The following DPP10 variants were observed in gnomAD, a reference collection of about 807,000 sequenced individuals.
The protein encoded by DPP10 is inactive dipeptidyl peptidase 10.
In DPP10, 33 loss-of-function variants were observed where a neutral mutation model predicts 120.9. The ratio of observed to expected loss-of-function variants is 0.27; its 90% CI spans 0.21 to 0.37. DPP10 has a LOEUF of 0.37. Ranked by LOEUF, DPP10 falls within the 10% of genes least tolerant of loss-of-function variation. DPP10 has a pLI of 1.00. For synonymous variants in DPP10, 337 were observed against 326.1 expected, an observed-to-expected ratio of 1.03 and a Z score of -0.36; for missense variants, 816 against 942.8, an observed-to-expected ratio of 0.87 and a Z score of 1.76.
At chr2:115,805,221 C>T (rs1158683354) in intron 19 of DPP10, among the ~76,000 whole-genome samples, 2 of 152,128 alleles carry the variant, frequency 1.3e-5, no homozygotes, top group African/African-American at 2.4e-5. Context: ...GGCTTAGGAC[C>T]CTCCCAGCCA....
intron 1 of DPP10, among the ~76,000 whole-genome samples, chr2:115,306,263 G>C (rs923950983): frequency 3.9e-5 from 6 of 151,996 alleles, no homozygotes; most frequent in African/African-American, 1.4e-4. Context: ...CAAGAGAAGA[G>C]ACATTTGAGC....
At chr2:115,813,457 A>C (rs1026211017) in intron 19 of DPP10, among the ~76,000 whole-genome samples, 15 of 152,202 alleles carry the variant, frequency 9.9e-5, no homozygotes, top group Non-Finnish European at 1.8e-4. Flanking sequence ...GGCACCAGTC[A>C]GATTGAATTA....
intron 1 of DPP10, among the ~76,000 whole-genome samples, chr2:114,928,668 A>G (rs1695825420): frequency 6.6e-6 from 1 of 151,878 alleles, no homozygotes; most frequent in African/African-American, 2.4e-5. Flanking sequence ...CTGCAGCTAT[A>G]CTAGATGTGG....
chr2:115,217,783 C>CT (rs995418160), intron 1 of DPP10, among the ~76,000 whole-genome samples: 4 of 152,050 alleles, frequency 2.6e-5, no homozygotes, highest in African/African-American at 9.7e-5. Flanking sequence ...TGATTCACAT[C>CT]TTTTTTTTCT....
chr2:114,903,493 T>C (rs1282015324), intron 1 of DPP10, among the ~76,000 whole-genome samples: 1 of 152,192 alleles, frequency 6.6e-6, no homozygotes, highest in East Asian at 1.9e-4. Context: ...AGATGTGTAG[T>C]GGTATATCAT....
At chr2:115,286,593 A>G (rs2060414008) in intron 1 of DPP10, among the ~76,000 whole-genome samples, 1 of 138,950 alleles carries the variant, frequency 7.2e-6, no homozygotes, top group African/African-American at 2.6e-5. Context: ...ATTCTTACCA[A>G]TGGCAACTGG....
chr2:115,717,402 A>G (rs554888871), intron 7 of DPP10, among the ~76,000 whole-genome samples: 1 of 152,228 alleles, frequency 6.6e-6, no homozygotes, highest in South Asian at 2.1e-4. Flanking sequence ...AAAAATAAAT[A>G]AATAAATAAG....
Position 114,442,670 on chromosome 2 carries a change from C to A in DPP10, c.-109C>A, listed in dbSNP as rs966322127. ...GCAGCAGAAGCAACAGCAGTAGCAG[C>A]GGCAGCAGCAACAGCAGCAGCCCCT... On this transcript the variant is annotated 5_prime_UTR_variant, in exon 1 of 26. Transcript: ENST00000410059. 5 of 1,219,660 alleles carry A rather than the reference C, an allele frequency of 4.1e-6. No individual in the cohort carries two copies. Among genetic ancestry groups the A allele is most frequent in the African/African-American group, 1.5e-5 (1 of 66,640 alleles). The allele number at this position is 1,219,660 out of a possible 1,614,324, so 75.6% of individuals were successfully genotyped here. A position where few individuals can be genotyped will look rare whatever the true frequency, so the allele number is the denominator to read the frequency against.
At chr2:115,424,148 G>C (rs140718903) in intron 3 of DPP10, among the ~76,000 whole-genome samples, 1 of 152,152 alleles carries the variant, frequency 6.6e-6, no homozygotes, top group East Asian at 1.9e-4. Flanking sequence ...CCCTTACAAA[G>C]ACAACCAAAA....
In DPP10 at chr2:115,553,393, A is replaced by T. The variant is rs888421998; in HGVS notation, c.441+27421A>T. 3.9e-5 allele frequency among the ~76,000 whole-genome samples: 6 copies of T among 152,206 alleles called. No individual in the cohort carries two copies. In the East Asian group the frequency reaches 1.2e-3, roughly 29 times the overall value. On this transcript the variant is annotated intron_variant, in intron 5 of 25. Transcript: ENST00000410059. ...ATAAATGAAAATTATCACTATTTTCAGGATTAAGAAGTATATTAACATATA... is the reference window on the plus strand; with the variant it reads ...ATAAATGAAAATTATCACTATTTTCTGGATTAAGAAGTATATTAACATATA...
chr2:115,474,745 C>G (rs1490565198), intron 3 of DPP10, among the ~76,000 whole-genome samples: 1 of 149,102 alleles, frequency 6.7e-6, no homozygotes, highest in East Asian at 2.0e-4. Context: ...AAAAAAAAAG[C>G]CCATTTAACA....
intron 1 of DPP10, among the ~76,000 whole-genome samples, chr2:115,165,695 G>A (rs1026511447): frequency 1.3e-5 from 2 of 152,094 alleles, no homozygotes; most frequent in African/African-American, 4.8e-5. Context: ...AAGGTTTAGA[G>A]TTTGTTCACA....
Position 115,699,555 on chromosome 2 carries a change from T to C in DPP10, c.576+9634T>C, listed in dbSNP as rs535650882. Among the ~76,000 whole-genome samples the C allele has an allele frequency of 9.2e-5, 14 of 152,254 alleles. No individual in the cohort carries two copies. The South Asian group carries it at 2.7e-3, about 29-fold the overall frequency. On this transcript the variant is annotated intron_variant, in intron 7 of 25. Transcript: ENST00000410059. ...AGGCAGAGGTTGCAGTGAGTTGTGA[T>C]TTGAGATCATGCCACTGCACTCCTG...
chr2:114,497,441 A>G lies in DPP10; in HGVS notation c.60+54603A>G. ...TATGCATCTATATATATATGCATAT[A>G]TATAGATGCATCTATTTTATAGATG... On this transcript the variant is annotated intron_variant, in intron 1 of 25. Transcript: ENST00000410059. 1.3e-5 allele frequency among the ~76,000 whole-genome samples: 2 copies of G among 151,010 alleles called. 1 individual carries two copies. Among genetic ancestry groups the G allele is most frequent in the Middle Eastern group, 6.4e-3 (2 of 314 alleles).
At chr2:115,646,403 T>C (rs1307092227) in intron 5 of DPP10, among the ~76,000 whole-genome samples, 1 of 152,156 alleles carries the variant, frequency 6.6e-6, no homozygotes, top group Non-Finnish European at 1.5e-5. Context: ...GAAGAGATTA[T>C]ATATGGGAGA....
At chr2:115,651,485 GA>G (rs2087765678) in intron 5 of DPP10, among the ~76,000 whole-genome samples, 1 of 152,038 alleles carries the variant, frequency 6.6e-6, no homozygotes, top group Non-Finnish European at 1.5e-5. Flanking sequence ...TTAGAAGAAG[GA>G]AAGCAATTTT....
At chr2:114,534,495 G>A (rs1246459170) in intron 1 of DPP10, among the ~76,000 whole-genome samples, 2 of 152,082 alleles carry the variant, frequency 1.3e-5, no homozygotes, top group African/African-American at 4.8e-5. Context: ...CAGTGTCTTT[G>A]GTAATTTTTC....
intron 1 of DPP10, among the ~76,000 whole-genome samples, chr2:114,827,178 G>C (rs1292780184): frequency 6.6e-6 from 1 of 152,082 alleles, no homozygotes; most frequent in Non-Finnish European, 1.5e-5. Flanking sequence ...TCTGAATATA[G>C]AGACTTTATA....
chr2:115,157,443 A>C (rs1357253959), intron 1 of DPP10, among the ~76,000 whole-genome samples: 1 of 152,208 alleles, frequency 6.6e-6, no homozygotes, highest in African/African-American at 2.4e-5. Flanking sequence ...AGACTGACAA[A>C]AACTTTAGTT....
Sources: gnomAD v4.1 joint callset for allele counts (sites outside exome capture counted in the v4.1 genomes callset) on GRCh38, gnomAD v4.1.1 for gene constraint, MANE v1.5 for transcripts, NCBI Gene and HGNC (gene_info 2026-07-23, HGNC 2026-07-21) for gene names.